The following GLYATL1 variants were observed in gnomAD, a reference collection of about 807,000 sequenced individuals.
The protein encoded by GLYATL1 is glycine N-acyltransferase-like protein 1.
GLYATL1 carries 15 observed loss-of-function variants against 20.0 expected under a neutral mutation model. The observed-to-expected ratio is 0.75, with a 90% confidence interval of 0.50 to 1.15. GLYATL1 has a LOEUF of 1.15. Ranked by LOEUF, GLYATL1 falls within the 50% of genes most tolerant of loss-of-function variation. The pLI is 0.00. For missense variants in GLYATL1, 380 were observed against 368.5 expected, an observed-to-expected ratio of 1.03 and a Z score of -0.26; for synonymous variants, 151 against 131.5, an observed-to-expected ratio of 1.15 and a Z score of -1.01.
At chr11:58,941,494 A>G (rs1423233898) in intron 1 of GLYATL1, among the ~76,000 whole-genome samples, 1 of 152,088 alleles carries the variant, frequency 6.6e-6, no homozygotes, top group Non-Finnish European at 1.5e-5. Context: ...ATAGTGCCGC[A>G]ATAAACATAC....
downstream of GLYATL1, among the ~76,000 whole-genome samples, chr11:58,910,571 G>A (rs1855015936): frequency 6.6e-6 from 1 of 152,142 alleles, no homozygotes; most frequent in Non-Finnish European, 1.5e-5. Flanking sequence ...CTATTAGGTA[G>A]TACTAGTCTA....
intron 1 of GLYATL1, among the ~76,000 whole-genome samples, chr11:58,914,493 C>A (rs1855122909): frequency 6.6e-6 from 1 of 152,102 alleles, no homozygotes; most frequent in African/African-American, 2.4e-5. Flanking sequence ...AAGCTAATAT[C>A]ATTACATGGG....
At position 58,955,266 on chromosome 11, in the gene GLYATL1, C is replaced by G; in HGVS notation, c.404C>G (p.Thr135Arg). The change falls in exon 6 of 7, where the codon ACG (threonine) becomes AGG (arginine). Residue 135 changes from threonine (T) to arginine (R), a missense_variant. Coordinates refer to ENST00000532726, the MANE Select transcript of GLYATL1 (RefSeq NM_001389712.2). ...VEHSRALLLV[T>R]EDILKLNASS... Reference sequence around the variant, plus strand: ...CATTCGAGAGCACTCCTCTTGGTTACGGAAGATATTCTGAAGCTCAATGCC... The same window carrying G: ...CATTCGAGAGCACTCCTCTTGGTTAGGGAAGATATTCTGAAGCTCAATGCC... 6.2e-7 allele frequency: 1 copy of G among 1,614,006 alleles called. No individual in the cohort carries two copies. The highest frequency in any genetic ancestry group is 8.5e-7 in the Non-Finnish European group (1 of 1,179,904).
downstream of GLYATL1, among the ~76,000 whole-genome samples, chr11:58,912,740 A>T (rs1294110113): frequency 6.6e-6 from 1 of 152,200 alleles, no homozygotes; most frequent in Non-Finnish European, 1.5e-5. Flanking sequence ...AATGCATTTG[A>T]AGCCTGGCCC....
chr11:58,931,421 A>G lies in GLYATL1; in HGVS notation c.-212+3592A>G, dbSNP rs893463641. On this transcript the variant is annotated intron_variant, in intron 1 of 7. Coordinates refer to the GLYATL1 transcript ENST00000317391. ...ACTATAACATGTGAATTATGAGGGG[A>G]CACAGTTCAACCCATAACAATCTTA... 2.0e-5 allele frequency among the ~76,000 whole-genome samples: 3 copies of G among 152,214 alleles called. No homozygotes were observed. In the South Asian group the frequency reaches 6.2e-4, roughly 32 times the overall value.
chr11:58,926,497 T>C (rs1249865321), upstream of GLYATL1, among the ~76,000 whole-genome samples: 1 of 152,198 alleles, frequency 6.6e-6, no homozygotes, highest in Admixed American at 6.5e-5. Flanking sequence ...CTTTAACAAA[T>C]ACACAGAGTA....
chr11:58,908,697 G>A (rs571409789), downstream of GLYATL1: 1 of 152,370 alleles, frequency 6.6e-6, no homozygotes, highest in Non-Finnish European at 1.5e-5. Flanking sequence ...ATACACATAA[G>A]TGCTTGTGTA....
intron 1 of GLYATL1, among the ~76,000 whole-genome samples, 177 bp downstream of exon 1, chr11:58,939,827 C>T (rs1856013991): frequency 6.6e-6 from 1 of 152,098 alleles, no homozygotes; most frequent in African/African-American, 2.4e-5. Context: ...TGTGTCCAGG[C>T]AAGTGAGTGT....
chr11:58,943,785 C>A, intron 2 of GLYATL1, 119 bp downstream of exon 2: 1 of 1,412,462 alleles, frequency 7.1e-7, no homozygotes, highest in Non-Finnish European at 9.4e-7. Context: ...CAGACTGGGT[C>A]TAGGAACAGA....
chr11:58,910,319 C>T (rs1193338414), downstream of GLYATL1, among the ~76,000 whole-genome samples: 1 of 152,098 alleles, frequency 6.6e-6, no homozygotes, highest in East Asian at 1.9e-4. Flanking sequence ...AGGAGTTCTT[C>T]AACTCACTTT....
intron 1 of GLYATL1, among the ~76,000 whole-genome samples, chr11:58,913,601 A>G (rs1249998363): frequency 6.6e-6 from 1 of 152,196 alleles, no homozygotes; most frequent in Non-Finnish European, 1.5e-5. Flanking sequence ...ATACAGTGAT[A>G]TTCATGTTCT....
At chr11:58,921,527 C>A (rs1244252007) in intron 1 of GLYATL1, among the ~76,000 whole-genome samples, 1 of 152,218 alleles carries the variant, frequency 6.6e-6, no homozygotes, top group African/African-American at 2.4e-5. Context: ...GTGGCCTTAA[C>A]CATTCTCCAC....
At chr11:58,947,013 T>C (rs1442711882) in intron 2 of GLYATL1, 33 bp from the exon 3 acceptor site, 3 of 1,513,470 alleles carry the variant, frequency 2.0e-6, no homozygotes, top group African/African-American at 2.7e-5. Flanking sequence ...ATTTGTTTCC[T>C]TAACATTTTC....
At chr11:58,907,319 A>C in exon 2 of GLYATL1, 1 of 456,126 alleles carries the variant, frequency 2.2e-6, no homozygotes, top group Non-Finnish European at 4.4e-6. Context: ...TGGACTTCCA[A>C]TTGTCTTTGT....
chr11:58,908,202 G>A (rs1348781658), exon 2 of GLYATL1: 1 of 152,164 alleles, frequency 6.6e-6, no homozygotes. Context: ...AAACTGCCAG[G>A]TTCTGCCTGT....
intron 1 of GLYATL1, among the ~76,000 whole-genome samples, chr11:58,915,822 T>A (rs1004490451): frequency 7.9e-5 from 12 of 152,194 alleles, no homozygotes; most frequent in Non-Finnish European, 1.5e-4. Flanking sequence ...CCAGGATTTT[T>A]ACCAGGTCTC....
chr11:58,919,047 G>C (rs969187890), intron 1 of GLYATL1, among the ~76,000 whole-genome samples: 1 of 152,208 alleles, frequency 6.6e-6, no homozygotes, highest in South Asian at 2.1e-4. Context: ...TCCCATATGG[G>C]TCCTAATGTG....
At chr11:58,907,112 T>C (rs1854911522) in intron 1 of GLYATL1, 1 of 353,662 alleles carries the variant, frequency 2.8e-6, no homozygotes, top group Admixed American at 3.4e-5. Flanking sequence ...ATAATAGTTT[T>C]AGGGTGGTTC....
chr11:58,939,454 A>C (rs934902575), upstream of GLYATL1: 1 of 152,202 alleles, frequency 6.6e-6, no homozygotes, highest in Non-Finnish European at 1.5e-5. Context: ...TTTCAGTAAC[A>C]GCTTTTGGTT....
Sources: gnomAD v4.1 joint callset for allele counts (sites outside exome capture counted in the v4.1 genomes callset) on GRCh38, gnomAD v4.1.1 for gene constraint, MANE v1.5 for transcripts, NCBI Gene and HGNC (gene_info 2026-07-23, HGNC 2026-07-21) for gene names.